Variants in PTPRM observed in about 807,000 individuals in gnomAD.
PTPRM encodes the protein protein tyrosine phosphatase receptor type M.
A neutral mutation model predicts 186.7 loss-of-function variants in PTPRM; 47 were observed. The ratio of observed to expected loss-of-function variants is 0.25; its 90% CI spans 0.20 to 0.32. The LOEUF is 0.32. PTPRM is among the 10% of genes least tolerant of loss of function. PTPRM has a pLI of 1.00. For synonymous variants in PTPRM, 668 were observed against 674.9 expected (o/e 0.99, Z 0.16); for missense variants, 1,494 against 1,865.0 (o/e 0.80, Z 3.66).
intron 1 of PTPRM, among the ~76,000 whole-genome samples, chr18:7,713,298 C>A (rs1046227515): frequency 5.9e-5 from 9 of 152,044 alleles, no homozygotes; most frequent in African/African-American, 2.2e-4. Flanking sequence ...TAAATAAAAT[C>A]CTTTACAGAC....
At chr18:7,739,006 CT>C (rs79290594) in intron 1 of PTPRM, among the ~76,000 whole-genome samples, 2,968 of 152,180 alleles carry the variant, frequency 0.02, 85 homozygotes, top group East Asian at 0.11. Flanking sequence ...TTTGGAGCTT[CT>C]TCTTGGTCTA....
chr18:7,714,013 C>A (rs914631367), intron 1 of PTPRM, among the ~76,000 whole-genome samples: 10 of 152,136 alleles, frequency 6.6e-5, no homozygotes, highest in African/African-American at 1.9e-4. Context: ...AGCTCTGCAC[C>A]AAGTGGACCT....
chr18:8,319,544 G>T (rs1248263218), intron 22 of PTPRM, among the ~76,000 whole-genome samples: 1 of 152,240 alleles, frequency 6.6e-6, no homozygotes, highest in Admixed American at 6.5e-5. Flanking sequence ...ACAGGGAACT[G>T]TGCTGGTTGC....
intron 2 of PTPRM, among the ~76,000 whole-genome samples, chr18:7,876,120 G>C (rs1361170367): frequency 9.0e-6 from 1 of 111,420 alleles, no homozygotes; most frequent in East Asian, 5.3e-4. Context: ...GCATGACTGT[G>C]TGTGTGTGTG....
At chr18:8,325,810 G>A (rs146966362) in intron 22 of PTPRM, among the ~76,000 whole-genome samples, 6 of 152,194 alleles carry the variant, frequency 3.9e-5, no homozygotes, top group South Asian at 2.1e-4. Flanking sequence ...CTCTATAAGC[G>A]TTCCATCTTC....
At chr18:7,947,689 C>T (rs909475771) in intron 5 of PTPRM, among the ~76,000 whole-genome samples, 4 of 152,074 alleles carry the variant, frequency 2.6e-5, no homozygotes, top group Admixed American at 2.6e-4. Context: ...CCCCTCTCAC[C>T]CTTCCCCTTT....
At chr18:8,313,100 C>T (rs11872709) in intron 20 of PTPRM, among the ~76,000 whole-genome samples, 3 of 152,124 alleles carry the variant, frequency 2.0e-5, no homozygotes, top group East Asian at 1.9e-4. Flanking sequence ...TAAAAGGGTC[C>T]GTCATCTGCA....
chr18:8,161,714 G>A (rs1162980171), intron 14 of PTPRM, among the ~76,000 whole-genome samples: 1 of 152,126 alleles, frequency 6.6e-6, no homozygotes, highest in East Asian at 1.9e-4. Context: ...TACACATGTT[G>A]TCTTATACCA....
At chr18:8,080,108 T>G (rs2145179709) in intron 9 of PTPRM, among the ~76,000 whole-genome samples, 1 of 152,256 alleles carries the variant, frequency 6.6e-6, no homozygotes, top group East Asian at 1.9e-4. Context: ...TGTTAATCAG[T>G]GATGTGGAGA....
chr18:7,588,201 C>T (rs1377237751), intron 1 of PTPRM, among the ~76,000 whole-genome samples: 1 of 152,118 alleles, frequency 6.6e-6, no homozygotes. Context: ...TGAACTCCGG[C>T]ATTTGACTTC....
chr18:7,871,050 G>A (rs1454893907), intron 2 of PTPRM, among the ~76,000 whole-genome samples: 1 of 152,186 alleles, frequency 6.6e-6, no homozygotes, highest in Admixed American at 6.5e-5. Flanking sequence ...AGCTGTAAAG[G>A]ACAAGGCATT....
At chr18:8,325,785 AC>A (rs200216519) in intron 22 of PTPRM, among the ~76,000 whole-genome samples, 4,017 of 152,296 alleles carry the variant, frequency 0.026, 284 homozygotes, top group Admixed American at 0.16. Context: ...GAACTAATTT[AC>A]ATTCTCACCA....
chr18:8,357,388 A>G (rs2095568907), intron 23 of PTPRM, among the ~76,000 whole-genome samples: 1 of 152,226 alleles, frequency 6.6e-6, no homozygotes, highest in Admixed American at 6.5e-5. Context: ...GAAGAAATAT[A>G]TCCTTTTCAG....
intron 16 of PTPRM, 71 bp downstream of exon 16, chr18:8,247,990 C>T (rs2094493672): frequency 7.1e-7 from 1 of 1,417,742 alleles, no homozygotes; most frequent in African/African-American, 1.4e-5. Flanking sequence ...CCTCTCTCTG[C>T]TATCCCTGGT....
chr18:7,866,847 C>T (rs2047730099), intron 2 of PTPRM, among the ~76,000 whole-genome samples: 1 of 152,120 alleles, frequency 6.6e-6, no homozygotes, highest in South Asian at 2.1e-4. Context: ...TCTCTGTGAA[C>T]TTGCTTTATG....
At chr18:7,921,610 G>A (rs547845036) in intron 4 of PTPRM, among the ~76,000 whole-genome samples, 21 of 152,174 alleles carry the variant, frequency 1.4e-4, no homozygotes, top group Admixed American at 9.8e-4. Flanking sequence ...TCTAACTCCT[G>A]GCCTCATGAT....
chr18:8,228,484 G>A (rs2094242812), intron 14 of PTPRM, among the ~76,000 whole-genome samples: 1 of 152,066 alleles, frequency 6.6e-6, no homozygotes, highest in Non-Finnish European at 1.5e-5. Flanking sequence ...TATAAATGAA[G>A]TTGTTTTAAA....
chr18:8,108,905 G>A (rs2091640672), intron 11 of PTPRM, among the ~76,000 whole-genome samples: 1 of 152,174 alleles, frequency 6.6e-6, no homozygotes. Flanking sequence ...CTAGGGTGGT[G>A]CAACTTTAAT....
chr18:7,725,183 A>T (rs1240666529), intron 1 of PTPRM, among the ~76,000 whole-genome samples: 1 of 152,084 alleles, frequency 6.6e-6, no homozygotes, highest in Non-Finnish European at 1.5e-5. Context: ...CTAAGTGTTG[A>T]TATTTGGGTC....
Sources: allele counts gnomAD v4.1 joint callset (sites outside exome capture counted in the v4.1 genomes callset), GRCh38; gene constraint gnomAD v4.1.1; transcripts MANE v1.5; gene names NCBI Gene and HGNC (gene_info 2026-07-23, HGNC 2026-07-21).